Variants in PCBP3 observed in about 807,000 individuals in gnomAD.
PCBP3 encodes poly(rC)-binding protein 3.
Under a neutral mutation model 52.7 loss-of-function variants are expected in PCBP3, and 25 were observed. The observed-to-expected ratio is 0.47, with a 90% CI of 0.35 to 0.66. The LOEUF is 0.66. PCBP3 is among the 30% of genes least tolerant of loss of function. The pLI, the probability that PCBP3 is intolerant of heterozygous loss-of-function variation, is 0.01. For synonymous variants in PCBP3, 162 were observed against 183.0 expected (o/e 0.89, Z 0.93); for missense variants, 391 against 490.3 (o/e 0.80, Z 1.91).
intron 4 of PCBP3, among the ~76,000 whole-genome samples, chr21:45,842,100 C>T (rs775389998): frequency 4.0e-4 from 61 of 152,296 alleles, no homozygotes; most frequent in African/African-American, 7.5e-4. Context: ...TTCTTCCAGG[C>T]GATTCTCTGT....
chr21:45,897,861 C>T (rs1386168159), intron 6 of PCBP3, among the ~76,000 whole-genome samples: 2 of 152,188 alleles, frequency 1.3e-5, no homozygotes, highest in Non-Finnish European at 2.9e-5. Context: ...ATATGGAACC[C>T]CAGTTCCAGC....
At chr21:45,931,356 A>G (rs562322302) in intron 15 of PCBP3, among the ~76,000 whole-genome samples, 7 of 152,378 alleles carry the variant, frequency 4.6e-5, no homozygotes, top group Non-Finnish European at 1.0e-4. Context: ...TTGTGGCTCC[A>G]TGTGCACATG....
At chr21:45,648,241 C>T (rs2079449339) in intron 1 of PCBP3, among the ~76,000 whole-genome samples, 1 of 152,158 alleles carries the variant, frequency 6.6e-6, no homozygotes, top group Admixed American at 6.5e-5. Context: ...CAGTAAGAAA[C>T]CGATAAAAAC....
chr21:45,770,213 A>T (rs1361795589), intron 4 of PCBP3, among the ~76,000 whole-genome samples: 1 of 152,238 alleles, frequency 6.6e-6, no homozygotes, highest in African/African-American at 2.4e-5. Flanking sequence ...AAGATTAAGA[A>T]TATGGAAAGT....
At chr21:45,781,883 C>T (rs989854000) in intron 4 of PCBP3, among the ~76,000 whole-genome samples, 9 of 152,160 alleles carry the variant, frequency 5.9e-5, no homozygotes, top group Non-Finnish European at 2.9e-5. Context: ...TGCCTTCTGA[C>T]GCTACAGAAT....
chr21:45,804,143 G>A (rs551126965), intron 4 of PCBP3, among the ~76,000 whole-genome samples: 1 of 152,162 alleles, frequency 6.6e-6, no homozygotes, highest in Non-Finnish European at 1.5e-5. Context: ...TGCCCGCGTG[G>A]CTGTAGTGTT....
In PCBP3 at chr21:45,900,508, G is replaced by A. The variant is rs554504547; in HGVS notation, c.190-83G>A. The A allele has an allele frequency of 4.9e-5, 52 of 1,072,144 alleles. No homozygotes were observed. The South Asian group carries it at 6.6e-4, about 14-fold the overall frequency. The allele number at this position is 1,072,144 out of a possible 1,614,324, so 66.4% of individuals were successfully genotyped here. A position where few individuals can be genotyped will look rare whatever the true frequency, so the allele number is the denominator to read the frequency against. ...CTCTGCTGTGTGGGCGTATGGGCCA[G>A]GCTGCTCCCCACCCACCATGGGCCG... is the stretch of plus-strand genomic sequence containing the variant. On this transcript the variant is annotated intron_variant, in intron 7 of 17. Transcript: ENST00000681687.
intron 4 of PCBP3, among the ~76,000 whole-genome samples, chr21:45,823,929 A>T (rs1403409598): frequency 6.6e-6 from 1 of 151,838 alleles, no homozygotes; most frequent in Non-Finnish European, 1.5e-5. Flanking sequence ...TTTAGTAGAG[A>T]TGGGGTTTCA....
chr21:45,883,168 A>T (rs2095441500), intron 5 of PCBP3, among the ~76,000 whole-genome samples: 1 of 152,234 alleles, frequency 6.6e-6, no homozygotes, highest in East Asian at 1.9e-4. Context: ...GATTGTTCAT[A>T]TATGTGTTTC....
At chr21:45,713,951 C>CA (rs1301502137) in intron 2 of PCBP3, among the ~76,000 whole-genome samples, 5 of 152,220 alleles carry the variant, frequency 3.3e-5, no homozygotes, top group Admixed American at 1.3e-4. Context: ...TGCAGAGCCA[C>CA]TTGGTCACAC....
chr21:45,820,738 C>T (rs969751299), intron 4 of PCBP3, among the ~76,000 whole-genome samples: 1 of 152,182 alleles, frequency 6.6e-6, no homozygotes, highest in Non-Finnish European at 1.5e-5. Context: ...CCATGGACCT[C>T]TGCTGCCACC....
chr21:45,815,592 G>A (rs1358913140), intron 4 of PCBP3, among the ~76,000 whole-genome samples: 2 of 98,514 alleles, frequency 2.0e-5, no homozygotes, highest in African/African-American at 4.4e-5. Context: ...TGAGTGAGTG[G>A]TGAGTGATGA....
rs866958787 is a variant in PCBP3, at chr21:45,904,232, T to G, written c.339+3119T>G. Among the ~76,000 whole-genome samples, 1 of 152,176 alleles carries G rather than the reference T, an allele frequency of 6.6e-6. No individual in the cohort carries two copies. The highest frequency in any genetic ancestry group is 6.5e-5 in the Admixed American group (1 of 15,280). On this transcript the variant is annotated intron_variant, in intron 9 of 17. Transcript: ENST00000681687. The surrounding 1 kb of genome is among the most constrained non-coding windows in gnomAD (Gnocchi z 4.8). ...CAGGAATTCCTAAAGGTACAAGCCT[T>G]CCAGTCATCAGTCCATGGAGGAAGA...
rs2081943253 is a variant in PCBP3, at chr21:45,683,007, G to A, written c.-200+14055G>A. Reference sequence around the variant, plus strand: ...GGTTTTCCAGTGAGGCCTGGGATAGGGGAAGGAATCCGAAACAAAACAAAA... The same window carrying A: ...GGTTTTCCAGTGAGGCCTGGGATAGAGGAAGGAATCCGAAACAAAACAAAA... On this transcript the variant is annotated intron_variant, in intron 2 of 17. Coordinates refer to ENST00000681687, the MANE Select transcript of PCBP3 (RefSeq NM_001384156.1). Among the ~76,000 whole-genome samples the A allele has an allele frequency of 3.3e-5, 5 of 152,232 alleles. No individual in the cohort carries two copies. In the South Asian group the frequency reaches 1.0e-3, roughly 32 times the overall value.
intron 4 of PCBP3, among the ~76,000 whole-genome samples, chr21:45,778,966 C>G (rs1055992673): frequency 2.0e-5 from 3 of 152,168 alleles, no homozygotes; most frequent in Middle Eastern, 3.2e-3. Context: ...ATGCACACCC[C>G]TCTCAGCTCC....
chr21:45,832,195 C>G (rs189896156), intron 4 of PCBP3, among the ~76,000 whole-genome samples: 14 of 152,336 alleles, frequency 9.2e-5, no homozygotes, highest in African/African-American at 2.9e-4. Flanking sequence ...TTACACCATA[C>G]GGTAACTTCC....
chr21:45,674,688 T>C (rs1035918488), intron 2 of PCBP3, among the ~76,000 whole-genome samples: 4 of 152,224 alleles, frequency 2.6e-5, no homozygotes, highest in Non-Finnish European at 4.4e-5. Context: ...GGTTTAATAG[T>C]CTTTTTCAAA....
intron 4 of PCBP3, chr21:45,762,890 G>A (rs1259135299): frequency 1.3e-5 from 2 of 152,262 alleles, no homozygotes; most frequent in Admixed American, 6.5e-5. Flanking sequence ...TCGCCTTGTA[G>A]GTAAGGCCAG....
intron 4 of PCBP3, chr21:45,760,411 A>G (rs1479223663): frequency 1.3e-5 from 2 of 152,214 alleles, no homozygotes; most frequent in Non-Finnish European, 2.9e-5. Context: ...TCCGAGCTCT[A>G]AGAAGGCATT....
Sources: allele counts gnomAD v4.1 joint callset (sites outside exome capture counted in the v4.1 genomes callset), GRCh38; gene constraint gnomAD v4.1.1; non-coding constraint Gnocchi (gnomAD v3.1); transcripts MANE v1.5; gene names NCBI Gene and HGNC (gene_info 2026-07-23, HGNC 2026-07-21).